ITFG1: variants seen among roughly 807,000 people sequenced by gnomAD.
The protein encoded by ITFG1 is integrin alpha FG-GAP repeat containing 1.
In ITFG1, 34 loss-of-function variants were observed where a neutral mutation model predicts 81.8. The observed-to-expected ratio is 0.42, with a 90% CI of 0.32 to 0.55. The LOEUF is 0.55. Ranked by LOEUF, ITFG1 falls within the 20% of genes least tolerant of loss-of-function variation. ITFG1 has a pLI of 0.17. For synonymous variants in ITFG1, 285 were observed against 270.6 expected, an observed-to-expected ratio of 1.05 and a Z score of -0.52; for missense variants, 672 against 755.4, an observed-to-expected ratio of 0.89 and a Z score of 1.29.
chr16:47,187,537 G>T (rs1426490877), intron 14 of ITFG1, among the ~76,000 whole-genome samples: 11 of 152,128 alleles, frequency 7.2e-5, no homozygotes, highest in Non-Finnish European at 8.8e-5. Flanking sequence ...AATAAATGGT[G>T]CTGGGAAAAC....
rs183807140 is a variant in ITFG1 at position 47,369,226 on chromosome 16, G to C, written c.721-3357C>G. 2.5e-3 allele frequency among the ~76,000 whole-genome samples: 387 copies of C among 152,268 alleles called. 1 individual carries two copies. The highest frequency in any genetic ancestry group is 6.0e-3 in the Admixed American group (91 of 15,294). ...AGGCAGGAGAAACATGATCAATACT[G>C]TTTTTCATTTTGAACATATTCTGGG... On this transcript the variant is annotated intron_variant, in intron 7 of 17. Transcript: ENST00000320640.
intron 13 of ITFG1, among the ~76,000 whole-genome samples, chr16:47,229,589 T>C (rs537565939): frequency 7.1e-4 from 107 of 150,300 alleles, no homozygotes; most frequent in African/African-American, 2.6e-3. Flanking sequence ...CTTAGATAAC[T>C]GCTGCAGTCA....
intron 6 of ITFG1, among the ~76,000 whole-genome samples, chr16:47,384,205 TA>T (rs1374831333): frequency 1.3e-5 from 2 of 152,230 alleles, no homozygotes; most frequent in East Asian, 3.8e-4. Context: ...CTGGTCTCTC[TA>T]ATAACTGCTA....
At chr16:47,202,383 T>C (rs1002036853) in intron 14 of ITFG1, 3 of 152,134 alleles carry the variant, frequency 2.0e-5, no homozygotes, top group African/African-American at 7.2e-5. Context: ...CAGGATTGGT[T>C]TTCAGATTAG....
chr16:47,177,063 G>T (rs1165158732), intron 14 of ITFG1, among the ~76,000 whole-genome samples: 4 of 151,346 alleles, frequency 2.6e-5, no homozygotes, highest in Non-Finnish European at 5.9e-5. Context: ...AGGCTCAAGT[G>T]ATCCTCTGGC....
At chr16:47,328,900 G>C (rs1229459810) in intron 8 of ITFG1, among the ~76,000 whole-genome samples, 1 of 151,786 alleles carries the variant, frequency 6.6e-6, no homozygotes. Context: ...CCTATTTTTT[G>C]CTTTATACAT....
At chr16:47,326,006 G>A (rs1967534022) in intron 8 of ITFG1, among the ~76,000 whole-genome samples, 1 of 152,106 alleles carries the variant, frequency 6.6e-6, no homozygotes, top group African/African-American at 2.4e-5. Context: ...ACAATGCCTG[G>A]CAGAGACACA....
chr16:47,184,666 G>A (rs1487348108), intron 14 of ITFG1, among the ~76,000 whole-genome samples: 1 of 152,052 alleles, frequency 6.6e-6, no homozygotes, highest in Non-Finnish European at 1.5e-5. Context: ...ACCAGCCGCT[G>A]CAAAATCATG....
At chr16:47,230,825 T>C (rs1381507740) in intron 13 of ITFG1, among the ~76,000 whole-genome samples, 4 of 152,196 alleles carry the variant, frequency 2.6e-5, no homozygotes, top group Non-Finnish European at 4.4e-5. Flanking sequence ...CTCGGCTCAC[T>C]GTAAGCTCCG....
chr16:47,400,321 T>G (rs1567487026), intron 6 of ITFG1, among the ~76,000 whole-genome samples: 1 of 151,860 alleles, frequency 6.6e-6, no homozygotes, highest in Non-Finnish European at 1.5e-5. Context: ...TTCAGGAGTT[T>G]GAGGCTATAG....
At chr16:47,440,864 C>CA (rs574939421) in intron 5 of ITFG1, among the ~76,000 whole-genome samples, 353 of 152,142 alleles carry the variant, frequency 2.3e-3, no homozygotes, top group Non-Finnish European at 4.5e-3. Flanking sequence ...GACAGAGACA[C>CA]AAAAAACCCT....
At chr16:47,326,828 T>C (rs1321290627) in intron 8 of ITFG1, among the ~76,000 whole-genome samples, 14 of 151,954 alleles carry the variant, frequency 9.2e-5, no homozygotes, top group Non-Finnish European at 1.9e-4. Context: ...TAAAAGAGGA[T>C]ACAAACAAAT....
intron 13 of ITFG1, among the ~76,000 whole-genome samples, chr16:47,230,794 G>T (rs1965808845): frequency 6.6e-6 from 1 of 152,206 alleles, no homozygotes; most frequent in Non-Finnish European, 1.5e-5. Context: ...TGTCGCCCAG[G>T]CTGGAGTGCA....
At chr16:47,450,843 T>C (rs1390525551) in intron 5 of ITFG1, among the ~76,000 whole-genome samples, 2 of 152,228 alleles carry the variant, frequency 1.3e-5, no homozygotes, top group Non-Finnish European at 2.9e-5. Context: ...ATGGATATCT[T>C]GGAATTGCAA....
chr16:47,338,894 T>G (rs1044041184), intron 8 of ITFG1, among the ~76,000 whole-genome samples: 6 of 152,178 alleles, frequency 3.9e-5, no homozygotes, highest in Non-Finnish European at 1.5e-5. Flanking sequence ...TAACAAATAC[T>G]AGGTCTTATT....
chr16:47,372,463 T>A (rs1172111353), intron 7 of ITFG1, among the ~76,000 whole-genome samples: 1 of 151,874 alleles, frequency 6.6e-6, no homozygotes, highest in African/African-American at 2.4e-5. Context: ...CTCTTTTTTT[T>A]TTTTTTATTT....
At chr16:47,252,868 A>C (rs879276888) in intron 12 of ITFG1, among the ~76,000 whole-genome samples, 2 of 152,210 alleles carry the variant, frequency 1.3e-5, no homozygotes, top group Non-Finnish European at 2.9e-5. Flanking sequence ...TAAGGCAAAC[A>C]ACCGATAATC....
At chr16:47,338,426 A>C (rs775677788) in intron 8 of ITFG1, among the ~76,000 whole-genome samples, 15 of 152,266 alleles carry the variant, frequency 9.9e-5, no homozygotes, top group African/African-American at 2.4e-4. Context: ...AACAAACAAA[A>C]AAAAATGGCA....
rs1222007051 is a variant in ITFG1 at position 47,376,964 on chromosome 16, C to CAAAAAAAAAAAAAA, written c.656-1038_656-1025dup. On this transcript the variant is annotated intron_variant, in intron 6 of 17. Transcript: ENST00000320640. The stretch of plus-strand genomic sequence containing the variant: ...GAGACAGAGGGAGACTCTGTCTCCC[C>CAAAAAAAAAAAAAA]AAAAAAAAAAAAAAAAAAAAAAAAA... Among the ~76,000 whole-genome samples, 42 of 18,074 alleles carry CAAAAAAAAAAAAAA rather than the reference C, an allele frequency of 2.3e-3. 18 individuals are homozygous for CAAAAAAAAAAAAAA. Among genetic ancestry groups the CAAAAAAAAAAAAAA allele is most frequent in the African/African-American group, 4.7e-3 (38 of 8,054 alleles). The allele number at this position is 18,074 out of a possible 152,430, so 11.9% of individuals were successfully genotyped here.
Sources: gnomAD v4.1 joint callset for allele counts (sites outside exome capture counted in the v4.1 genomes callset) on GRCh38, gnomAD v4.1.1 for gene constraint, MANE v1.5 for transcripts, NCBI Gene and HGNC (gene_info 2026-07-23, HGNC 2026-07-21) for gene names.